NRXN1: variants seen among roughly 807,000 people sequenced by gnomAD.
NRXN1 encodes neurexin 1.
In NRXN1, 39 loss-of-function variants were observed where a neutral mutation model predicts 150.9. The ratio of observed to expected loss-of-function variants is 0.26; its 90% CI spans 0.20 to 0.34. The LOEUF (loss-of-function observed/expected upper bound fraction) is 0.34. Among genes scored for constraint, NRXN1 ranks in the 10% least tolerant of loss-of-function variants. The pLI is 1.00. For missense variants in NRXN1, 1,815 were observed against 1,949.9 expected (o/e 0.93, Z 1.30); for synonymous variants, 924 against 757.0 (o/e 1.22, Z -3.62).
intron 21 of NRXN1, among the ~76,000 whole-genome samples, chr2:50,038,713 A>G (rs1230557156): frequency 6.6e-6 from 1 of 152,066 alleles, no homozygotes; most frequent in Admixed American, 6.6e-5. Context: ...TAAAATATAG[A>G]AAAGAATAGT....
chr2:50,309,177 G>T (rs1030135754), intron 17 of NRXN1, among the ~76,000 whole-genome samples: 3 of 152,142 alleles, frequency 2.0e-5, no homozygotes, highest in Non-Finnish European at 4.4e-5. Flanking sequence ...ATGCAGATGG[G>T]TTGGTTAGCC....
intron 5 of NRXN1, among the ~76,000 whole-genome samples, chr2:50,625,630 CAAGTA>C (rs1175162316): frequency 6.6e-6 from 1 of 152,026 alleles, no homozygotes; most frequent in Non-Finnish European, 1.5e-5. Context: ...ATATTGGGCA[CAAGTA>C]CAACTATATA....
intron 19 of NRXN1, among the ~76,000 whole-genome samples, chr2:50,069,298 A>G (rs980293144): frequency 1.3e-5 from 2 of 152,144 alleles, no homozygotes; most frequent in Non-Finnish European, 2.9e-5. Context: ...ATGCTGCTTG[A>G]TCCATTTTCT....
At chr2:50,869,457 T>TAA (rs144495184) in intron 5 of NRXN1, among the ~76,000 whole-genome samples, 184 of 143,112 alleles carry the variant, frequency 1.3e-3, no homozygotes, top group African/African-American at 4.4e-3. Context: ...GTCAAAAAAA[T>TAA]AAAAAAAAAA....
chr2:50,831,372 G>A (rs906608468), intron 5 of NRXN1, among the ~76,000 whole-genome samples: 4 of 152,040 alleles, frequency 2.6e-5, no homozygotes, highest in Non-Finnish European at 4.4e-5. Context: ...TAAAATAATT[G>A]GGAAATTTTA....
intron 21 of NRXN1, among the ~76,000 whole-genome samples, chr2:50,026,963 C>T (rs1245157609): frequency 7.5e-6 from 1 of 134,008 alleles, no homozygotes; most frequent in Non-Finnish European, 1.5e-5. Context: ...TTCACTGAAA[C>T]CTCCGGCTCC....
chr2:50,160,886 A>G (rs950338953), intron 18 of NRXN1, among the ~76,000 whole-genome samples: 9 of 152,138 alleles, frequency 5.9e-5, no homozygotes, highest in Admixed American at 2.6e-4. Context: ...AAAATTATAC[A>G]TATCTTTTTT....
At chr2:50,334,828 C>A (rs1000723958) in intron 17 of NRXN1, among the ~76,000 whole-genome samples, 1 of 152,172 alleles carries the variant, frequency 6.6e-6, no homozygotes, top group Non-Finnish European at 1.5e-5. Flanking sequence ...CACTTACATA[C>A]CACTAAAAGT....
At chr2:49,971,078 T>G (rs898229112) in intron 21 of NRXN1, among the ~76,000 whole-genome samples, 2 of 152,166 alleles carry the variant, frequency 1.3e-5, no homozygotes, top group Non-Finnish European at 2.9e-5. Context: ...GGGCAGAGTA[T>G]AAGTTCTTAA....
In NRXN1 at chr2:50,497,619, A is replaced by G; in HGVS notation, c.2593T>C (p.Phe865Leu). The G allele has an allele frequency of 6.2e-7, 1 of 1,613,932 alleles. No homozygotes were observed. The highest frequency in any genetic ancestry group is 8.5e-7 in the Non-Finnish European group (1 of 1,179,858). The change falls in exon 14 of 23, where the codon TTC (phenylalanine) becomes CTC (leucine). Residue 865 changes from phenylalanine (F) to leucine (L), a missense_variant. Phe to Leu is a conservative substitution (Grantham distance 22). This residue lies in a region of NRXN1 where 638 missense variants were observed against 652.6 expected (regional missense o/e 0.98). Coordinates refer to ENST00000401669, the MANE Select transcript of NRXN1 (RefSeq NM_001330078.2). ...GTCAAGCTCTGCAGGTGTCCAATGA[A>G]GTTGGAGGGGACAGAAGAAAGATAC... ...RRYLSSVPSN[F>L]IGHLQSLTFN...
intron 18 of NRXN1, among the ~76,000 whole-genome samples, chr2:50,112,030 T>C (rs1356471533): frequency 6.6e-6 from 1 of 152,172 alleles, no homozygotes; most frequent in Non-Finnish European, 1.5e-5. Flanking sequence ...GTTTTTTTTT[T>C]TCCTTTAATA....
intron 2 of NRXN1, among the ~76,000 whole-genome samples, chr2:51,002,088 C>A (rs901723993): frequency 2.6e-5 from 4 of 151,950 alleles, no homozygotes; most frequent in Non-Finnish European, 4.4e-5. Context: ...TCAAACCTAG[C>A]ACAAAATACA....
chr2:50,772,509 A>G (rs72889412), intron 5 of NRXN1, among the ~76,000 whole-genome samples: 11,145 of 151,258 alleles, frequency 0.074, 1,394 homozygotes, highest in African/African-American at 0.26. Flanking sequence ...TGGTTTTACA[A>G]AAAAAAAATT....
At chr2:50,982,947 T>A (rs1697073777) in intron 2 of NRXN1, among the ~76,000 whole-genome samples, 1 of 152,062 alleles carries the variant, frequency 6.6e-6, no homozygotes, top group Non-Finnish European at 1.5e-5. Context: ...CCCTTCCCAA[T>A]TTATTCACTT....
At chr2:50,625,018 C>G (rs1342206877) in intron 5 of NRXN1, 1 of 151,998 alleles carries the variant, frequency 6.6e-6, no homozygotes, top group Non-Finnish European at 1.5e-5. Flanking sequence ...TTCTGATAAA[C>G]TATAAACATA....
At chr2:50,264,077 T>C (rs2068593381) in intron 17 of NRXN1, among the ~76,000 whole-genome samples, 1 of 152,150 alleles carries the variant, frequency 6.6e-6, no homozygotes, top group Non-Finnish European at 1.5e-5. Context: ...ATGGCTTGTA[T>C]GGGAAATGAT....
At chr2:50,673,874 A>G (rs1334623948) in intron 5 of NRXN1, among the ~76,000 whole-genome samples, 1 of 152,034 alleles carries the variant, frequency 6.6e-6, no homozygotes, top group African/African-American at 2.4e-5. Context: ...AAAAAGGATG[A>G]CTTCATGTCC....
chr2:50,236,728 A>G, intron 18 of NRXN1, 61 bp downstream of exon 18: 1 of 1,529,660 alleles, frequency 6.5e-7, no homozygotes, highest in Non-Finnish European at 9.0e-7. Context: ...AAAATTATAA[A>G]TTCTTTACAA....
At chr2:50,479,029 C>G (rs1378009956) in intron 15 of NRXN1, among the ~76,000 whole-genome samples, 1 of 152,188 alleles carries the variant, frequency 6.6e-6, no homozygotes, top group Non-Finnish European at 1.5e-5. Context: ...CTCAGTCACT[C>G]CACTGTGTTC....
Sources: allele counts gnomAD v4.1 joint callset (sites outside exome capture counted in the v4.1 genomes callset), GRCh38; gene constraint gnomAD v4.1.1; regional missense constraint gnomAD v4.1.1; transcripts MANE v1.5; gene names NCBI Gene and HGNC (gene_info 2026-07-23, HGNC 2026-07-21).